Variants in SPECC1 observed in about 807,000 individuals in gnomAD.
The protein encoded by SPECC1 is sperm antigen with calponin homology and coiled-coil domains 1, also known as cytospin-B.
In SPECC1, 62 loss-of-function variants were observed where a neutral mutation model predicts 104.1. That is an observed-to-expected ratio of 0.60 (90% confidence interval 0.49 to 0.74). The LOEUF is 0.74. SPECC1 is among the 30% of genes least tolerant of loss of function. The pLI is 0.00. For missense variants in SPECC1, 1,306 were observed against 1,310.5 expected (o/e 1.00, Z 0.05); for synonymous variants, 513 against 501.6 (o/e 1.02, Z -0.30).
chr17:20,015,896 T>C (rs2044104732), intron 1 of SPECC1, among the ~76,000 whole-genome samples: 1 of 147,952 alleles, frequency 6.8e-6, no homozygotes, highest in African/African-American at 2.5e-5. Context: ...GGGTTTCTAC[T>C]TCTTAAAGTT....
intron 1 of SPECC1, among the ~76,000 whole-genome samples, chr17:20,048,294 C>T (rs925028593): frequency 4.6e-5 from 7 of 151,736 alleles, no homozygotes; most frequent in East Asian, 2.0e-4. Flanking sequence ...CCACCACGCC[C>T]GGCTAATTTT....
rs377027470 is a variant in SPECC1, at chr17:20,205,482, G to T, written c.1433G>T (p.Arg478Leu). 13 of 1,614,004 alleles carry T rather than the reference G, an allele frequency of 8.1e-6. No individual in the cohort carries two copies. Among genetic ancestry groups the T allele is most frequent in the Admixed American group, 1.7e-5 (1 of 60,000 alleles). ...QKCTGILEQG[R>L]FEREKLLNIQ... The stretch of plus-strand genomic sequence containing the variant: ...TGCACAGGTATTCTTGAACAGGGCC[G>T]CTTTGAAAGAGAGAAGCTACTCAAC... The change falls in exon 4 of 15, where the codon CGC becomes CTC. Residue 478 changes from arginine to leucine, a missense_variant. By Grantham distance (102) the Arg-to-Leu change is moderately radical. Around this residue, in one of 2 missense-constraint regions of SPECC1, gnomAD observed 1,177 missense variants for 1,139.9 expected, o/e 1.03. Coordinates refer to ENST00000395527, the MANE Select transcript of SPECC1 (RefSeq NM_001243439.2).
chr17:20,025,712 T>C (rs2044573319), intron 1 of SPECC1, among the ~76,000 whole-genome samples: 1 of 152,234 alleles, frequency 6.6e-6, no homozygotes. Flanking sequence ...TTTCATTTTT[T>C]TGGTTATAGA....
At chr17:20,013,876 T>C (rs932273497) in intron 1 of SPECC1, among the ~76,000 whole-genome samples, 1 of 152,206 alleles carries the variant, frequency 6.6e-6, no homozygotes, top group African/African-American at 2.4e-5. Flanking sequence ...TTGACTTTGA[T>C]TGGCAGTTGG....
intron 1 of SPECC1, among the ~76,000 whole-genome samples, chr17:20,046,360 T>C (rs2045538115): frequency 6.6e-6 from 1 of 152,182 alleles, no homozygotes; most frequent in Admixed American, 6.5e-5. Context: ...GACCATGAGA[T>C]TTAATTCTAT....
chr17:20,142,061 G>T (rs2030875785), intron 3 of SPECC1, among the ~76,000 whole-genome samples: 2 of 152,246 alleles, frequency 1.3e-5, no homozygotes, highest in Non-Finnish European at 2.9e-5. Context: ...GTACAAACCA[G>T]ATGCTGAATG....
intron 12 of SPECC1, among the ~76,000 whole-genome samples, chr17:20,292,037 G>T (rs902085110): frequency 6.6e-6 from 1 of 151,650 alleles, no homozygotes; most frequent in African/African-American, 2.4e-5. Context: ...ACGTCAAAAC[G>T]GGTTTCTGGA....
chr17:20,032,497 A>G (rs1469637345), intron 1 of SPECC1, among the ~76,000 whole-genome samples: 1 of 151,578 alleles, frequency 6.6e-6, no homozygotes. Context: ...ATGTCTATTG[A>G]AGTATATTTG....
chr17:20,128,227 C>T (rs539149615), intron 3 of SPECC1, among the ~76,000 whole-genome samples: 7 of 152,194 alleles, frequency 4.6e-5, no homozygotes, highest in Admixed American at 6.5e-5. Context: ...AAATACCAGG[C>T]GTGTTGACAT....
chr17:20,165,018 TTTTATTTTAAGTTAAA>T (rs1220271297), intron 3 of SPECC1, among the ~76,000 whole-genome samples: 5 of 152,178 alleles, frequency 3.3e-5, no homozygotes, highest in African/African-American at 2.4e-5. Context: ...AAAAAATTAA[TTTTATTTTAAGTTAAA>T]TTTATTTTAA....
chr17:20,113,306 T>A (rs1253917644), intron 3 of SPECC1, among the ~76,000 whole-genome samples: 2 of 152,174 alleles, frequency 1.3e-5, no homozygotes, highest in African/African-American at 4.8e-5. Context: ...TAAATAGGCA[T>A]GATGTGGAAA....
At chr17:20,271,350 C>T (rs2040399748) in intron 12 of SPECC1, among the ~76,000 whole-genome samples, 2 of 151,856 alleles carry the variant, frequency 1.3e-5, no homozygotes, top group African/African-American at 2.4e-5. Flanking sequence ...TCACTCCCAC[C>T]CCCCCCATGC....
intron 4 of SPECC1, among the ~76,000 whole-genome samples, chr17:20,217,138 G>A (rs1410543849): frequency 6.6e-6 from 1 of 152,182 alleles, no homozygotes; most frequent in East Asian, 1.9e-4. Flanking sequence ...CTCTTTTCAA[G>A]TGATTTAATT....
intron 4 of SPECC1, among the ~76,000 whole-genome samples, chr17:20,216,677 A>G (rs937329504): frequency 3.9e-5 from 6 of 152,162 alleles, no homozygotes; most frequent in Non-Finnish European, 7.3e-5. Flanking sequence ...TCCTCTCTGC[A>G]GGAACCCTTC....
chr17:20,053,813 G>T (rs971170231), intron 1 of SPECC1, among the ~76,000 whole-genome samples: 1 of 152,222 alleles, frequency 6.6e-6, no homozygotes, highest in Non-Finnish European at 1.5e-5. Flanking sequence ...GCCAGAACCA[G>T]CCAGCTAAGC....
At chr17:20,218,600 C>T (rs188560061) in intron 4 of SPECC1, among the ~76,000 whole-genome samples, 155 of 152,164 alleles carry the variant, frequency 1.0e-3, no homozygotes, top group African/African-American at 3.5e-3. Flanking sequence ...CCTGTCCTTT[C>T]CCTCCGTCCC....
intron 1 of SPECC1, chr17:20,073,821 AG>A (rs2046655299): frequency 6.6e-6 from 1 of 152,218 alleles, no homozygotes; most frequent in South Asian, 2.1e-4. Flanking sequence ...GGTGTGACTA[AG>A]GCAGTGTGAA....
chr17:20,088,436 C>G (rs1340378336), intron 1 of SPECC1, among the ~76,000 whole-genome samples: 2 of 152,120 alleles, frequency 1.3e-5, no homozygotes, highest in African/African-American at 4.8e-5. Context: ...GGGTGAGAGG[C>G]AGGGCTGGCC....
chr17:20,227,834 G>T (rs557179725), intron 5 of SPECC1, among the ~76,000 whole-genome samples: 1 of 152,228 alleles, frequency 6.6e-6, no homozygotes, highest in Non-Finnish European at 1.5e-5. Flanking sequence ...AGAATCACTT[G>T]AACGCAGGAG....
Sources: allele counts gnomAD v4.1 joint callset (sites outside exome capture counted in the v4.1 genomes callset), GRCh38; gene constraint gnomAD v4.1.1; regional missense constraint gnomAD v4.1.1; transcripts MANE v1.5; gene names NCBI Gene and HGNC (gene_info 2026-07-23, HGNC 2026-07-21).